The following AGO4 variants were observed in gnomAD, a reference collection of about 807,000 sequenced individuals.
AGO4 encodes the protein argonaute RISC component 4, also known as protein argonaute-4.
In AGO4, 33 loss-of-function variants were observed where a neutral mutation model predicts 104.7. That is an observed-to-expected ratio of 0.32 (90% CI 0.24 to 0.42). The LOEUF (loss-of-function observed/expected upper bound fraction) is 0.42, where lower values mean the gene tolerates loss of function less well. Among genes scored for constraint, AGO4 ranks in the 10% least tolerant of loss-of-function variants. AGO4 has a pLI of 1.00. For missense variants in AGO4, 711 were observed against 1,083.4 expected, an observed-to-expected ratio of 0.66 and a Z score of 4.83; for synonymous variants, 331 against 364.7, an observed-to-expected ratio of 0.91 and a Z score of 1.05.
chr1:35,809,504 T>C (rs1044699952), intron 1 of AGO4, among the ~76,000 whole-genome samples: 6 of 152,326 alleles, frequency 3.9e-5, no homozygotes, highest in African/African-American at 1.2e-4. Context: ...CATAGCTGAG[T>C]GATTAAGCCC....
At chr1:35,836,466 G>T (rs996654173) in intron 13 of AGO4, among the ~76,000 whole-genome samples, 1 of 152,238 alleles carries the variant, frequency 6.6e-6, no homozygotes, top group Non-Finnish European at 1.5e-5. Context: ...TTGGAGTGCA[G>T]TGATGCGATC....
chr1:35,818,868 C>T (rs929055138), intron 2 of AGO4, among the ~76,000 whole-genome samples: 16 of 152,022 alleles, frequency 1.1e-4, no homozygotes, highest in Non-Finnish European at 2.1e-4. Context: ...AAATACTAAA[C>T]CCACAACGTG....
In AGO4 at chr1:35,855,632, GT is replaced by G. The variant is rs1644800546; in HGVS notation, c.*2029del. The stretch of plus-strand genomic sequence containing the variant: ...AGCCAGGAGTGAAGAGATGGCAGAT[GT>G]TAATTTCTTAAAATTTTCCTTTTTT... On this transcript the variant is annotated 3_prime_UTR_variant, in exon 18 of 18. Transcript: ENST00000373210. 1 of 144,580 alleles carries G rather than the reference GT, an allele frequency of 6.9e-6. No individual in the cohort carries two copies. Among genetic ancestry groups the G allele is most frequent in the African/African-American group, 2.6e-5 (1 of 39,136 alleles). The allele number at this position is 144,580 out of a possible 1,614,324, so 9.0% of individuals were successfully genotyped here. A position where few individuals can be genotyped will look rare whatever the true frequency, so the allele number is the denominator to read the frequency against.
In AGO4 at chr1:35,834,183, C is replaced by G. The variant is rs769923478; in HGVS notation, c.1564+9C>G. ...AAAGACACCAGTATATGGTATGGAC[C>G]CTTTTAATGCTGAATGAGGGATGAT... On this transcript the variant is annotated intron_variant, in intron 12 of 17. Transcript: ENST00000373210. The G allele has an allele frequency of 1.3e-6, 2 of 1,516,750 alleles. No homozygotes were observed. Among genetic ancestry groups the G allele is most frequent in the South Asian group, 2.7e-5 (2 of 74,860 alleles). 94.0% of individuals were successfully genotyped at this position (1,516,750 alleles called of 1,614,324 possible).
At chr1:35,812,179 T>C (rs1643530270) in intron 1 of AGO4, among the ~76,000 whole-genome samples, 1 of 151,582 alleles carries the variant, frequency 6.6e-6, no homozygotes, top group African/African-American at 2.4e-5. Context: ...ATTTCTGTTG[T>C]TTAGCCCAAA....
At chr1:35,838,957 C>T (rs1030069616) in intron 13 of AGO4, among the ~76,000 whole-genome samples, 3 of 151,632 alleles carry the variant, frequency 2.0e-5, no homozygotes, top group African/African-American at 7.3e-5. Context: ...ATTTTGTCAA[C>T]TTGATTAGTT....
intron 2 of AGO4, among the ~76,000 whole-genome samples, chr1:35,821,358 A>G (rs1643882716): frequency 6.6e-6 from 1 of 152,218 alleles, no homozygotes; most frequent in African/African-American, 2.4e-5. Context: ...GTAGTAATAT[A>G]AATGTGTTAG....
intron 17 of AGO4, among the ~76,000 whole-genome samples, chr1:35,851,934 A>G (rs1644710452): frequency 6.6e-6 from 1 of 152,248 alleles, no homozygotes; most frequent in South Asian, 2.1e-4. Flanking sequence ...CAAATATACA[A>G]CTGACAAGTA....
At chr1:35,820,388 C>T (rs1643866676) in intron 2 of AGO4, among the ~76,000 whole-genome samples, 1 of 151,946 alleles carries the variant, frequency 6.6e-6, no homozygotes, top group African/African-American at 2.4e-5. Flanking sequence ...GATGGAGTCT[C>T]ACTCTGTCAC....
rs1298048812 is a variant in AGO4 at position 35,856,047 on chromosome 1, C to G, written c.*2442C>G. 2.0e-5 allele frequency: 3 copies of G among 152,236 alleles called. No homozygotes were observed. Among genetic ancestry groups the G allele is most frequent in the Non-Finnish European group, 2.9e-5 (2 of 68,056 alleles). The allele number at this position is 152,236 out of a possible 1,614,324, so 9.4% of individuals were successfully genotyped here. A position where few individuals can be genotyped will look rare whatever the true frequency, so the allele number is the denominator to read the frequency against. On this transcript the variant is annotated 3_prime_UTR_variant, in exon 18 of 18. Transcript: ENST00000373210. ...TAGCTTGTCTTGCTCTACGCTCGACCTCGAACAATACAGCTTGTAAGACCT... is the reference window on the plus strand; with the variant it reads ...TAGCTTGTCTTGCTCTACGCTCGACGTCGAACAATACAGCTTGTAAGACCT...
chr1:35,856,074 A>G lies in AGO4; in HGVS notation c.*2469A>G, dbSNP rs1355287046. ...CGAACAATACAGCTTGTAAGACCTC[A>G]GTCAGTCCTGGTACACTGGGGTAAA... On this transcript the variant is annotated 3_prime_UTR_variant, in exon 18 of 18. Coordinates refer to ENST00000373210, the MANE Select transcript of AGO4 (RefSeq NM_017629.4). 1 of 152,276 alleles carries G rather than the reference A, an allele frequency of 6.6e-6. No individual in the cohort carries two copies. Among genetic ancestry groups the G allele is most frequent in the Non-Finnish European group, 1.5e-5 (1 of 68,052 alleles). The allele number at this position is 152,276 out of a possible 1,614,324, so 9.4% of individuals were successfully genotyped here.
rs1644775024 is a variant in AGO4, at chr1:35,854,378, A to G, written c.*773A>G. 6.5e-6 allele frequency: 1 copy of G among 152,678 alleles called. No homozygotes were observed. The highest frequency in any genetic ancestry group is 6.5e-5 in the Admixed American group (1 of 15,288). The allele number at this position is 152,678 out of a possible 1,614,324, so 9.5% of individuals were successfully genotyped here. On this transcript the variant is annotated 3_prime_UTR_variant, in exon 18 of 18. Transcript: ENST00000373210. ...CTCATGTTTCCCCTATTTGGAAAAA[A>G]AAATTGCTTTTAGTATTTTTCCAAG...
chr1:35,830,794 G>A (rs1483232137), intron 7 of AGO4, among the ~76,000 whole-genome samples: 4 of 151,660 alleles, frequency 2.6e-5, no homozygotes, highest in Admixed American at 1.3e-4. Context: ...TGGCCAATGC[G>A]GTGAAACCCC....
chr1:35,821,638 C>T (rs1441431568), intron 2 of AGO4, among the ~76,000 whole-genome samples: 1 of 152,116 alleles, frequency 6.6e-6, no homozygotes, highest in Non-Finnish European at 1.5e-5. Context: ...ATTCTAAAAA[C>T]AAAGAAGCTA....
At chr1:35,844,523 C>T (rs1644521110) in intron 15 of AGO4, among the ~76,000 whole-genome samples, 2 of 152,046 alleles carry the variant, frequency 1.3e-5, no homozygotes, top group Non-Finnish European at 2.9e-5. Flanking sequence ...AAAGTCCTAT[C>T]GTCTATTTCC....
chr1:35,822,844 A>G lies in AGO4; in HGVS notation c.186-18A>G, dbSNP rs1643916409. On this transcript the variant is annotated intron_variant, in intron 2 of 17. Transcript: ENST00000373210. The stretch of plus-strand genomic sequence containing the variant: ...CCATTTCTGAAAGCTAACTGCCATT[A>G]TCTCCATTACTGTGAAGGGAGGTAG... 2 of 1,612,870 alleles carry G rather than the reference A, an allele frequency of 1.2e-6. No homozygotes were observed. Among genetic ancestry groups the G allele is most frequent in the Non-Finnish European group, 1.7e-6 (2 of 1,179,152 alleles).
rs1396397607 is a variant in AGO4, at chr1:35,855,456, TGA to T, written c.*1852_*1853del. 5 of 152,604 alleles carry T rather than the reference TGA, an allele frequency of 3.3e-5. No homozygotes were observed. Among genetic ancestry groups the T allele is most frequent in the Non-Finnish European group, 2.9e-5 (2 of 68,012 alleles). 9.5% of individuals were successfully genotyped at this position (152,604 alleles called of 1,614,324 possible). A position where few individuals can be genotyped will look rare whatever the true frequency, so the allele number is the denominator to read the frequency against. ...TGAAGTTTACATTTCCATGTGCTGT[TGA>T]TCAACGGCGCCACCTGTGTTTGCTG... On this transcript the variant is annotated 3_prime_UTR_variant, in exon 18 of 18. Coordinates refer to ENST00000373210, the MANE Select transcript of AGO4 (RefSeq NM_017629.4).
chr1:35,827,790 C>CTTTTTTTTTTT (rs142432459), intron 7 of AGO4, among the ~76,000 whole-genome samples: 28 of 103,852 alleles, frequency 2.7e-4, no homozygotes, highest in African/African-American at 7.4e-4. Context: ...TGTTGTTATT[C>CTTTTTTTTTTT]TTTTTTTTTT....
chr1:35,837,456 G>A (rs1399469674), intron 13 of AGO4, among the ~76,000 whole-genome samples: 1 of 151,528 alleles, frequency 6.6e-6, no homozygotes, highest in African/African-American at 2.4e-5. Flanking sequence ...ATGGCTCACT[G>A]AAGACCCAAA....
Sources: gnomAD v4.1 joint callset for allele counts (sites outside exome capture counted in the v4.1 genomes callset) on GRCh38, gnomAD v4.1.1 for gene constraint, MANE v1.5 for transcripts, NCBI Gene and HGNC (gene_info 2026-07-23, HGNC 2026-07-21) for gene names.